Variants in IGF1R observed in about 807,000 individuals in gnomAD.
The protein encoded by IGF1R is insulin like growth factor 1 receptor, also known as insulin-like growth factor 1 receptor.
IGF1R carries 44 observed loss-of-function variants against 144.6 expected under a neutral mutation model. The observed-to-expected ratio is 0.30, with a 90% CI of 0.24 to 0.39. The LOEUF (loss-of-function observed/expected upper bound fraction) is 0.39. Among genes scored for constraint, IGF1R ranks in the 10% least tolerant of loss-of-function variants. The pLI, the probability that IGF1R is intolerant of heterozygous loss-of-function variation, is 1.00. For synonymous variants in IGF1R, 795 were observed against 722.8 expected, an observed-to-expected ratio of 1.10 and a Z score of -1.60; for missense variants, 1,355 against 1,833.7, an observed-to-expected ratio of 0.74 and a Z score of 4.77.
intron 7 of IGF1R, among the ~76,000 whole-genome samples, chr15:98,912,723 T>C (rs555194918): frequency 6.6e-6 from 1 of 150,736 alleles, no homozygotes; most frequent in East Asian, 1.9e-4. Flanking sequence ...TGACTATGCT[T>C]GTTTTTTTCT....
chr15:98,797,724 C>T (rs940845954), intron 2 of IGF1R, among the ~76,000 whole-genome samples: 4 of 152,200 alleles, frequency 2.6e-5, no homozygotes, highest in Non-Finnish European at 5.9e-5. Context: ...ACTGAGCATT[C>T]TGTTGTGCTG....
chr15:98,755,666 CCT>C (rs1230812064), intron 2 of IGF1R, among the ~76,000 whole-genome samples: 1 of 123,348 alleles, frequency 8.1e-6, no homozygotes, highest in African/African-American at 3.0e-5. Flanking sequence ...TTGCAGTGAG[CCT>C]ACATCGTGCC....
rs367716030 is a variant in IGF1R at position 98,831,014 on chromosome 15, G to C, written c.641-60311G>C. On this transcript the variant is annotated intron_variant, in intron 2 of 20. Coordinates refer to ENST00000650285, the MANE Select transcript of IGF1R (RefSeq NM_000875.5). Reference sequence around the variant, plus strand: ...GAGAAAGAGAGACGCCAGATCTCCTGGTAGATAACTAACAGAGTGAGAACT... The same window carrying C: ...GAGAAAGAGAGACGCCAGATCTCCTCGTAGATAACTAACAGAGTGAGAACT... 9.2e-5 allele frequency among the ~76,000 whole-genome samples: 14 copies of C among 152,210 alleles called. No individual in the cohort carries two copies. The South Asian group carries it at 2.1e-3, about 23-fold the overall frequency.
At chr15:98,939,413 G>A in intron 18 of IGF1R, 53 bp downstream of exon 18, 3 of 1,578,262 alleles carry the variant, frequency 1.9e-6, no homozygotes, top group African/African-American at 1.3e-5. Flanking sequence ...GGTGTTTTGA[G>A]GACTTTGTTG....
At chr15:98,708,235 G>A in intron 2 of IGF1R, 128 bp downstream of exon 2, 1 of 827,140 alleles carries the variant, frequency 1.2e-6, no homozygotes, top group Non-Finnish European at 2.0e-6. Flanking sequence ...TTTAGGACGT[G>A]GCATGCCTGC....
At chr15:98,843,259 C>A (rs1187041110) in intron 2 of IGF1R, among the ~76,000 whole-genome samples, 1 of 152,162 alleles carries the variant, frequency 6.6e-6, no homozygotes, top group Admixed American at 6.5e-5. Context: ...ATTGGGAATT[C>A]ATTGGTATTA....
intron 2 of IGF1R, among the ~76,000 whole-genome samples, chr15:98,795,907 T>A (rs1232872118): frequency 6.6e-6 from 1 of 152,204 alleles, no homozygotes; most frequent in Non-Finnish European, 1.5e-5. Flanking sequence ...TAAACTACCT[T>A]TGGCAAATAG....
chr15:98,791,302 A>G (rs556448511), intron 2 of IGF1R, among the ~76,000 whole-genome samples: 1 of 152,332 alleles, frequency 6.6e-6, no homozygotes, highest in African/African-American at 2.4e-5. Context: ...AAACTTAAAA[A>G]AGCAACAACT....
chr15:98,660,244 G>C (rs950334972), intron 1 of IGF1R: 4 of 152,238 alleles, frequency 2.6e-5, no homozygotes, highest in Admixed American at 6.5e-5. Context: ...AAGCCCCTCT[G>C]CTTGGAATAG....
intron 2 of IGF1R, among the ~76,000 whole-genome samples, chr15:98,745,355 G>T (rs1404556239): frequency 6.6e-6 from 1 of 152,316 alleles, no homozygotes; most frequent in African/African-American, 2.4e-5. Flanking sequence ...CCCACTAGTG[G>T]CCCCATGTGG....
chr15:98,865,962 C>T (rs982346735), intron 2 of IGF1R, among the ~76,000 whole-genome samples: 11 of 152,222 alleles, frequency 7.2e-5, no homozygotes, highest in Non-Finnish European at 1.6e-4. Flanking sequence ...TCGCCACTTG[C>T]CTCGCAGGCA....
At chr15:98,688,240 A>G (rs1013194167) in intron 1 of IGF1R, among the ~76,000 whole-genome samples, 2 of 151,892 alleles carry the variant, frequency 1.3e-5, no homozygotes, top group African/African-American at 4.8e-5. Flanking sequence ...TGTCAGTAGT[A>G]TAGTTCTCCC....
chr15:98,890,136 G>C (rs1404904543), intron 2 of IGF1R, among the ~76,000 whole-genome samples: 1 of 152,162 alleles, frequency 6.6e-6, no homozygotes, highest in Non-Finnish European at 1.5e-5. Flanking sequence ...TGGTTCTGTG[G>C]GCTCGGAGAT....
intron 19 of IGF1R, among the ~76,000 whole-genome samples, chr15:98,944,979 C>T (rs548581488): frequency 6.8e-4 from 103 of 152,368 alleles, no homozygotes; most frequent in African/African-American, 2.3e-3. Flanking sequence ...AGAGGTGTGT[C>T]TGTTCTAGCC....
At chr15:98,665,986 G>A (rs1177111304) in intron 1 of IGF1R, among the ~76,000 whole-genome samples, 3 of 152,198 alleles carry the variant, frequency 2.0e-5, no homozygotes, top group African/African-American at 7.2e-5. Context: ...TTTGAGCCCA[G>A]ACTAACCAAT....
intron 2 of IGF1R, among the ~76,000 whole-genome samples, chr15:98,758,682 T>G (rs1265248055): frequency 6.6e-6 from 1 of 152,204 alleles, no homozygotes; most frequent in Non-Finnish European, 1.5e-5. Flanking sequence ...CATGGAGAAC[T>G]GTACCCGCTC....
intron 1 of IGF1R, among the ~76,000 whole-genome samples, chr15:98,686,170 T>C (rs1029771585): frequency 6.6e-6 from 1 of 152,276 alleles, no homozygotes; most frequent in African/African-American, 2.4e-5. Flanking sequence ...TTTATGAGCA[T>C]AATGTCCTCA....
chr15:98,765,475 A>AT (rs978100782), intron 2 of IGF1R, among the ~76,000 whole-genome samples: 54 of 150,318 alleles, frequency 3.6e-4, no homozygotes, highest in Non-Finnish European at 6.4e-4. Flanking sequence ...CACCTGGCTA[A>AT]TTTTTTTTTC....
At chr15:98,774,353 A>C (rs1047483821) in intron 2 of IGF1R, among the ~76,000 whole-genome samples, 6 of 152,124 alleles carry the variant, frequency 3.9e-5, no homozygotes, top group African/African-American at 1.4e-4. Context: ...ACATATTGCA[A>C]ATTTCCCCAC....
Sources: allele counts gnomAD v4.1 joint callset (sites outside exome capture counted in the v4.1 genomes callset), GRCh38; gene constraint gnomAD v4.1.1; transcripts MANE v1.5; gene names NCBI Gene and HGNC (gene_info 2026-07-23, HGNC 2026-07-21).